The following GNG7 variants were observed in gnomAD, a reference collection of about 807,000 sequenced individuals.
GNG7 encodes G protein subunit gamma 7.
Under a neutral mutation model 4.0 loss-of-function variants are expected in GNG7, and 1 was observed. That is an observed-to-expected ratio of 0.25 (90% CI 0.09 to 1.18). The LOEUF is 1.18. Among genes scored for constraint, GNG7 ranks in the 50% most tolerant of loss-of-function variants. GNG7 has a pLI of 0.50. For synonymous variants in GNG7, 34 were observed against 36.9 expected (o/e 0.92, Z 0.29); for missense variants, 86 against 91.9 (o/e 0.94, Z 0.26).
In GNG7 at chr19:2,513,690, G is replaced by A. The variant is rs1363393312; in HGVS notation, c.*1332C>T. 1.5e-4 allele frequency: 60 copies of A among 396,774 alleles called. No individual in the cohort carries two copies. Among genetic ancestry groups the A allele is most frequent in the Non-Finnish European group, 1.9e-4 (57 of 292,314 alleles). The allele number at this position is 396,774 out of a possible 1,614,324, so 24.6% of individuals were successfully genotyped here. ...GTTTTGAGCGGACGTTTTGATCTCC[G>A]GGACAACGTCTCACCTCCCAGAGTC... On this transcript the variant is annotated 3_prime_UTR_variant, in exon 5 of 5. Transcript: ENST00000382159.
chr19:2,612,169 G>A (rs1283674580), intron 2 of GNG7, among the ~76,000 whole-genome samples: 3 of 152,030 alleles, frequency 2.0e-5, no homozygotes, highest in Non-Finnish European at 2.9e-5. Flanking sequence ...CAGCGCGCCC[G>A]GCCAAATCTT....
intron 1 of GNG7, among the ~76,000 whole-genome samples, chr19:2,669,716 A>C (rs564201778): frequency 6.6e-6 from 1 of 152,024 alleles, no homozygotes; most frequent in Non-Finnish European, 1.5e-5. Flanking sequence ...TTTACAGAAG[A>C]GGTCTGTTGA....
At chr19:2,673,352 G>A (rs1983514022) in intron 1 of GNG7, among the ~76,000 whole-genome samples, 1 of 151,786 alleles carries the variant, frequency 6.6e-6, no homozygotes, top group East Asian at 1.9e-4. Flanking sequence ...AGAGTGTAAG[G>A]AGATGTCGGG....
chr19:2,674,015 G>A (rs1983532664), intron 1 of GNG7, among the ~76,000 whole-genome samples: 1 of 152,178 alleles, frequency 6.6e-6, no homozygotes, highest in South Asian at 2.1e-4. Flanking sequence ...TGTAATCCCA[G>A]CACTTTGGGA....
intron 2 of GNG7, among the ~76,000 whole-genome samples, chr19:2,612,707 A>AT (rs1252017966): frequency 8.7e-5 from 12 of 137,436 alleles, no homozygotes; most frequent in South Asian, 6.5e-4. Context: ...TTTTTGAGAA[A>AT]TTTTTTTTTT....
chr19:2,553,762 T>C (rs977295354), intron 3 of GNG7, among the ~76,000 whole-genome samples: 3 of 148,428 alleles, frequency 2.0e-5, no homozygotes, highest in African/African-American at 7.4e-5. Context: ...TATATGCACA[T>C]ATTGCATGTA....
At chr19:2,674,965 C>T (rs757633133) in intron 1 of GNG7, among the ~76,000 whole-genome samples, 2 of 152,146 alleles carry the variant, frequency 1.3e-5, no homozygotes, top group African/African-American at 2.4e-5. Flanking sequence ...TAATGTATAC[C>T]GTACTACTTT....
chr19:2,675,423 G>A (rs971823690), intron 1 of GNG7, among the ~76,000 whole-genome samples: 1 of 152,162 alleles, frequency 6.6e-6, no homozygotes, highest in African/African-American at 2.4e-5. Flanking sequence ...CTGCAACCAC[G>A]AAGACCAGGA....
chr19:2,646,720 G>A (rs1254688607), intron 1 of GNG7, among the ~76,000 whole-genome samples: 1 of 151,804 alleles, frequency 6.6e-6, no homozygotes, highest in Non-Finnish European at 1.5e-5. Flanking sequence ...AAAAGCAGAA[G>A]ACAATTCACT....
At chr19:2,588,156 C>T (rs1460248447) in intron 2 of GNG7, among the ~76,000 whole-genome samples, 2 of 152,130 alleles carry the variant, frequency 1.3e-5, no homozygotes, top group East Asian at 1.9e-4. Context: ...AGCAGAAATA[C>T]GGCACTTCAC....
chr19:2,613,508 CT>C (rs112730885), intron 2 of GNG7, among the ~76,000 whole-genome samples: 32,056 of 151,848 alleles, frequency 0.21, 6,165 homozygotes, highest in African/African-American at 0.51. Context: ...TCCTGGGACT[CT>C]TCCTCCTCTC....
chr19:2,651,155 G>A (rs1438816711), intron 1 of GNG7, among the ~76,000 whole-genome samples: 1 of 152,086 alleles, frequency 6.6e-6, no homozygotes, highest in Non-Finnish European at 1.5e-5. Flanking sequence ...CCTCGTGTAC[G>A]AAGGGCTGCC....
At position 2,609,491 on chromosome 19, in the gene GNG7, T is replaced by C. The variant is rs1020896626; in HGVS notation, c.-78+36733A>G. 1.3e-5 allele frequency among the ~76,000 whole-genome samples: 2 copies of C among 152,142 alleles called. No individual in the cohort carries two copies. The highest frequency in any genetic ancestry group is 1.5e-5 in the Non-Finnish European group (1 of 68,038). On this transcript the variant is annotated intron_variant, in intron 2 of 4. Coordinates refer to ENST00000382159, the MANE Select transcript of GNG7 (RefSeq NM_052847.3). This position sits in a 1 kb window ranked among gnomAD's most constrained non-coding sequence, Gnocchi z 4.4. Reference sequence around the variant, plus strand: ...TAACAACTGCAGTTTAGCCGCTCACTTGCTGGAGGACCTCAGGCTCTCTTC... The same window carrying C: ...TAACAACTGCAGTTTAGCCGCTCACCTGCTGGAGGACCTCAGGCTCTCTTC...
chr19:2,647,506 T>G (rs1218840859), intron 1 of GNG7, among the ~76,000 whole-genome samples: 1 of 151,930 alleles, frequency 6.6e-6, no homozygotes, highest in Admixed American at 6.6e-5. Context: ...GAGTCCAGGG[T>G]CCTCCCAGCG....
At chr19:2,675,223 C>T (rs746891623) in intron 1 of GNG7, among the ~76,000 whole-genome samples, 2 of 152,160 alleles carry the variant, frequency 1.3e-5, no homozygotes, top group Non-Finnish European at 2.9e-5. Flanking sequence ...AAATTCCTGT[C>T]GTGCCCCTGA....
rs941599464 is a variant in GNG7, at chr19:2,512,769, G to T, written c.*2253C>A. 2.5e-6 allele frequency: 1 copy of T among 393,070 alleles called. No homozygotes were observed. The highest frequency in any genetic ancestry group is 3.5e-6 in the Non-Finnish European group (1 of 288,410). 24.3% of individuals were successfully genotyped at this position (393,070 alleles called of 1,614,324 possible). On this transcript the variant is annotated 3_prime_UTR_variant, in exon 5 of 5. Coordinates refer to ENST00000382159, the MANE Select transcript of GNG7 (RefSeq NM_052847.3). The surrounding 1 kb of genome is among the most constrained non-coding windows in gnomAD (Gnocchi z 4.7). The stretch of plus-strand genomic sequence containing the variant: ...CTTTTAAGGAAAAACGGGGTGGGGT[G>T]TGTTTGTTCCCAGTTACCAAGATGG...
At chr19:2,599,004 C>A (rs1480192956) in intron 2 of GNG7, among the ~76,000 whole-genome samples, 1 of 152,116 alleles carries the variant, frequency 6.6e-6, no homozygotes, top group African/African-American at 2.4e-5. Flanking sequence ...ACAGTTCCAC[C>A]GAGGGCCCAT....
intron 2 of GNG7, among the ~76,000 whole-genome samples, chr19:2,584,712 T>A (rs182920986): frequency 5.6e-5 from 1 of 17,996 alleles, no homozygotes; most frequent in Non-Finnish European, 9.4e-5. Context: ...GGGAGGGAAG[T>A]AAGGAAGGAA....
At chr19:2,665,958 C>T (rs374538313) in intron 1 of GNG7, among the ~76,000 whole-genome samples, 3 of 151,994 alleles carry the variant, frequency 2.0e-5, no homozygotes, top group East Asian at 1.9e-4. Context: ...CTCTGCCTCC[C>T]GGGTTCAAGT....
Sources: allele counts gnomAD v4.1 joint callset (sites outside exome capture counted in the v4.1 genomes callset), GRCh38; gene constraint gnomAD v4.1.1; non-coding constraint Gnocchi (gnomAD v3.1); transcripts MANE v1.5; gene names NCBI Gene and HGNC (gene_info 2026-07-23, HGNC 2026-07-21).